Variants in MYO15B observed in about 807,000 individuals in gnomAD.
MYO15B encodes myosin XVB, also known as myosin XVB pseudogene.
In MYO15B, 207 loss-of-function variants were observed where a neutral mutation model predicts 119.3. The observed-to-expected ratio is 1.73, with a 90% CI of 1.55 to 1.95. MYO15B has a LOEUF of 1.95. MYO15B is among the 30% of genes most tolerant of loss of function. The pLI is 0.00. For missense variants in MYO15B, 2,264 were observed against 1,203.1 expected (o/e 1.88, Z -13.04); for synonymous variants, 966 against 498.9 (o/e 1.94, Z -12.48).
At chr17:75,607,136 C>CATCG in intron 21 of MYO15B, 1 of 392,928 alleles carries the variant, frequency 2.5e-6, no homozygotes, top group Non-Finnish European at 4.5e-6. Flanking sequence ...CAGTGCAGAA[C>CATCG]ATCGGGGGAG....
Position 75,624,287 on chromosome 17 carries a change from T to C in MYO15B, c.8367+18T>C. On this transcript the variant is annotated intron_variant, in intron 56 of 63. Coordinates refer to ENST00000645453, the Ensembl canonical transcript of MYO15B. ...CTTTCCTGGTACTGGGGGTGGCGGA[T>C]GGGCATTGTGGGACACCCTGGGGTG... is the stretch of plus-strand genomic sequence containing the variant. 1 of 702,834 alleles carries C rather than the reference T, an allele frequency of 1.4e-6. No individual in the cohort carries two copies. 43.5% of individuals were successfully genotyped at this position (702,834 alleles called of 1,614,324 possible).
exon 36 of MYO15B, chr17:75,615,765 C>G (rs760863421): frequency 2.8e-6 from 2 of 701,862 alleles, no homozygotes; most frequent in Non-Finnish European, 5.2e-6. Flanking sequence ...GCAGCAGGCT[C>G]GGGCCTCCGA....
rs1272018023 is a variant in MYO15B at position 75,605,537 on chromosome 17, CCT to C, written c.4055_4056del (p.Ser1352Ter). The C allele has an allele frequency of 2.8e-6, 2 of 702,864 alleles. No individual in the cohort carries two copies. Among genetic ancestry groups the C allele is most frequent in the Non-Finnish European group, 2.6e-6 (1 of 385,008 alleles). 43.5% of individuals were successfully genotyped at this position (702,864 alleles called of 1,614,324 possible). A position where few individuals can be genotyped will look rare whatever the true frequency, so the allele number is the denominator to read the frequency against. On this transcript the variant is annotated frameshift_variant, in exon 20 of 64. Transcript: ENST00000645453. LOFTEE classifies it high-confidence loss of function. ...CCCTGGGGTCAGAAGGGCAGGAAGA[CCT>C]CTCTGACCGGGAGAAGTGTGGTGCC...
chr17:75,602,263 A>G (rs1462387864), intron 15 of MYO15B: 14 of 587,918 alleles, frequency 2.4e-5, no homozygotes, highest in Non-Finnish European at 3.4e-5. Context: ...TGTCTAGTCA[A>G]CCTATTGACT....
In MYO15B at chr17:75,589,456, G is replaced by T. The variant is rs1844687838; in HGVS notation, c.1399G>T (p.Glu467Ter). Residue 467 changes from glutamate to a stop codon, truncating the protein, a stop_gained, in exon 1 of 64, where the codon GAG becomes TAG. Coordinates refer to ENST00000645453, the Ensembl canonical transcript of MYO15B. LOFTEE classifies it high-confidence loss of function. The surrounding 1 kb of genome is among the most constrained non-coding windows in gnomAD (Gnocchi z 4.2). ...GGGGCGGGGCTGCGGGAAAGCGGAC[G>T]AGGGGCGGGGTCACGAGAGAGGTGA... 5.0e-6 allele frequency: 2 copies of T among 397,288 alleles called. No homozygotes were observed. The highest frequency in any genetic ancestry group is 7.2e-5 in the East Asian group (2 of 27,774). The allele number at this position is 397,288 out of a possible 1,614,324, so 24.6% of individuals were successfully genotyped here. A position where few individuals can be genotyped will look rare whatever the true frequency, so the allele number is the denominator to read the frequency against.
exon 47 of MYO15B, chr17:75,619,927 G>A: frequency 2.8e-6 from 2 of 702,760 alleles, no homozygotes; most frequent in East Asian, 2.7e-5. Flanking sequence ...CCACCCTGGA[G>A]CTGTCACTGA....
rs547294678 is a variant in MYO15B, at chr17:75,592,892, A to G, written c.2991+52A>G. On this transcript the variant is annotated intron_variant, in intron 9 of 63. Transcript: ENST00000645453. The stretch of plus-strand genomic sequence containing the variant: ...TCTGGGGTGCTGGGTCTGTAGAATC[A>G]GGGCAGTGGTAATGACGCCAAATGC... The G allele has an allele frequency of 1.0e-5, 7 of 678,778 alleles. No homozygotes were observed. The East Asian group carries it at 1.4e-4, about 13-fold the overall frequency. The allele number at this position is 678,778 out of a possible 1,614,324, so 42.0% of individuals were successfully genotyped here. A position where few individuals can be genotyped will look rare whatever the true frequency, so the allele number is the denominator to read the frequency against.
chr17:75,591,153 A>G lies in MYO15B; in HGVS notation c.2361-19A>G, dbSNP rs764301540. The G allele has an allele frequency of 2.9e-4, 205 of 702,694 alleles. 1 individual carries two copies. Among genetic ancestry groups the G allele is most frequent in the Middle Eastern group, 1.4e-3 (6 of 4,362 alleles). 43.5% of individuals were successfully genotyped at this position (702,694 alleles called of 1,614,324 possible). A position where few individuals can be genotyped will look rare whatever the true frequency, so the allele number is the denominator to read the frequency against. ...GGGTCCCAGGTCCCCATGTCTGGCAACCTTCTCATCTCCCTCAGACACATC... is the reference window on the plus strand; with the variant it reads ...GGGTCCCAGGTCCCCATGTCTGGCAGCCTTCTCATCTCCCTCAGACACATC... On this transcript the variant is annotated intron_variant, in intron 3 of 63. Coordinates refer to ENST00000645453, the Ensembl canonical transcript of MYO15B.
intron 49 of MYO15B, 90 bp downstream of exon 49, chr17:75,620,726 CG>C: frequency 1.4e-6 from 1 of 692,076 alleles, no homozygotes; most frequent in Non-Finnish European, 2.6e-6. Flanking sequence ...GGCTGCCATG[CG>C]GTGGGACCAC....
chr17:75,625,093 G>C (rs1030205088), intron 59 of MYO15B, 30 bp from the exon 60 acceptor site: 1 of 674,118 alleles, frequency 1.5e-6, no homozygotes, highest in East Asian at 2.7e-5. Context: ...TTGGACCACC[G>C]CTGCCCTCCT....
chr17:75,619,312 C>T (rs989729982), intron 44 of MYO15B, 46 bp from the exon 45 acceptor site: 11 of 702,156 alleles, frequency 1.6e-5, no homozygotes, highest in Middle Eastern at 2.3e-4. Flanking sequence ...ACTCTAGAGC[C>T]CCCTCTGTGT....
intron 15 of MYO15B, among the ~76,000 whole-genome samples, chr17:75,601,825 T>C (rs1212071385): frequency 6.6e-6 from 1 of 152,234 alleles, no homozygotes; most frequent in South Asian, 2.1e-4. Flanking sequence ...CTGATGACCT[T>C]GGCAGTTTAC....
chr17:75,614,265 G>T (rs1184072257), exon 30 of MYO15B: 1 of 702,800 alleles, frequency 1.4e-6, no homozygotes, highest in Non-Finnish European at 2.6e-6. Flanking sequence ...GGCAGGACTT[G>T]GCTGGCTGCG....
At chr17:75,622,946 G>A (rs765039751) in intron 53 of MYO15B, among the ~76,000 whole-genome samples, 1 of 152,174 alleles carries the variant, frequency 6.6e-6, no homozygotes, top group Non-Finnish European at 1.5e-5. Context: ...CTGAGGACAC[G>A]GGGAGAAGGG....
At chr17:75,591,650 A>G (rs1021507760) in exon 5 of MYO15B, 2 of 702,886 alleles carry the variant, frequency 2.8e-6, no homozygotes, top group East Asian at 2.7e-5. Flanking sequence ...GGAAGCCGCC[A>G]AAAAGATCAT....
intron 53 of MYO15B, among the ~76,000 whole-genome samples, chr17:75,623,097 C>A (rs958399973): frequency 6.6e-6 from 1 of 152,222 alleles, no homozygotes; most frequent in Non-Finnish European, 1.5e-5. Context: ...TTTGGGAGGC[C>A]GAGGCAGGTG....
At chr17:75,604,235 G>A (rs1417532187) in intron 19 of MYO15B, among the ~76,000 whole-genome samples, 1 of 152,058 alleles carries the variant, frequency 6.6e-6, no homozygotes, top group Admixed American at 6.6e-5. Flanking sequence ...CCGGAAGCTG[G>A]GTGAGAGGAA....
chr17:75,622,954 G>A (rs2058791574), intron 53 of MYO15B, among the ~76,000 whole-genome samples: 1 of 152,212 alleles, frequency 6.6e-6, no homozygotes, highest in Non-Finnish European at 1.5e-5. Flanking sequence ...ACGGGGAGAA[G>A]GGCAGACAGA....
Position 75,626,388 on chromosome 17 carries a change from C to T in MYO15B, c.9214-19C>T, listed in dbSNP as rs755243927. On this transcript the variant is annotated intron_variant, in intron 63 of 63. Coordinates refer to ENST00000645453, the Ensembl canonical transcript of MYO15B. ...GGCTGGCTGGGGAGCCCTCTTGTAA[C>T]AGGCCTTTCTCTGGGCAGGCCCAGG... 22 of 702,962 alleles carry T rather than the reference C, an allele frequency of 3.1e-5. No homozygotes were observed. In the South Asian group the frequency reaches 3.3e-4, roughly 10 times the overall value. The allele number at this position is 702,962 out of a possible 1,614,324, so 43.5% of individuals were successfully genotyped here. A position where few individuals can be genotyped will look rare whatever the true frequency, so the allele number is the denominator to read the frequency against.
Sources: gnomAD v4.1 joint callset for allele counts (sites outside exome capture counted in the v4.1 genomes callset) on GRCh38, gnomAD v4.1.1 for gene constraint, Gnocchi (gnomAD v3.1) non-coding constraint, MANE v1.5 for transcripts, NCBI Gene and HGNC (gene_info 2026-07-23, HGNC 2026-07-21) for gene names.